SMYD3: variants seen among roughly 807,000 people sequenced by gnomAD.
SMYD3 encodes the protein SET and MYND domain containing 3.
Under a neutral mutation model 57.7 loss-of-function variants are expected in SMYD3, and 36 were observed. That is an observed-to-expected ratio of 0.62 (90% CI 0.48 to 0.82). The LOEUF is 0.82. Ranked by LOEUF, SMYD3 falls within the 40% of genes least tolerant of loss-of-function variation. SMYD3 has a pLI of 0.00. For missense variants in SMYD3, 515 were observed against 538.8 expected, an observed-to-expected ratio of 0.96 and a Z score of 0.44; for synonymous variants, 211 against 195.0, an observed-to-expected ratio of 1.08 and a Z score of -0.68.
intron 5 of SMYD3, among the ~76,000 whole-genome samples, chr1:246,182,088 TTAATC>T (rs1246570568): frequency 6.6e-6 from 1 of 152,158 alleles, no homozygotes; most frequent in East Asian, 1.9e-4. Flanking sequence ...TTCTGCCAAA[TTAATC>T]TAATTTTTAA....
chr1:245,923,074 A>G (rs2147812573), intron 7 of SMYD3, among the ~76,000 whole-genome samples: 1 of 152,346 alleles, frequency 6.6e-6, no homozygotes, highest in African/African-American at 2.4e-5. Context: ...CAAAGGAAAC[A>G]TCACGTTTCA....
intron 5 of SMYD3, among the ~76,000 whole-genome samples, chr1:246,110,751 C>T (rs1332019265): frequency 1.3e-5 from 2 of 152,252 alleles, no homozygotes; most frequent in African/African-American, 4.8e-5. Flanking sequence ...GTTTATATTA[C>T]ACATGGAGTT....
chr1:246,457,532 C>CAAAAAAAAAAA (rs59617511), intron 1 of SMYD3, among the ~76,000 whole-genome samples: 16 of 82,370 alleles, frequency 1.9e-4, no homozygotes, highest in East Asian at 1.2e-3. Context: ...GACTCTGCCT[C>CAAAAAAAAAAA]AAAAAAAAAA....
intron 5 of SMYD3, among the ~76,000 whole-genome samples, chr1:246,205,409 G>C (rs73147207): frequency 0.13 from 20,159 of 152,174 alleles, 3,482 homozygotes; most frequent in African/African-American, 0.4. Context: ...ACAGTCATGC[G>C]CAGTCTAGCC....
chr1:246,269,645 C>T (rs562312348), intron 5 of SMYD3, among the ~76,000 whole-genome samples: 5 of 151,326 alleles, frequency 3.3e-5, no homozygotes, highest in South Asian at 2.1e-4. Context: ...CACAGCTCAC[C>T]GCAACCTCAA....
chr1:246,487,098 G>A (rs1297573068), intron 1 of SMYD3, among the ~76,000 whole-genome samples: 1 of 152,192 alleles, frequency 6.6e-6, no homozygotes, highest in African/African-American at 2.4e-5. Context: ...CACAATACCT[G>A]CATCCAAGAG....
chr1:245,787,818 G>A (rs997266010), intron 10 of SMYD3, among the ~76,000 whole-genome samples: 4 of 152,198 alleles, frequency 2.6e-5, no homozygotes, highest in South Asian at 4.1e-4. Context: ...TTGGGCACAA[G>A]CGACTCCCAG....
rs149618432 is a variant in SMYD3, at chr1:245,789,801, T to A, written c.1077-25652A>T. ...ATTTCCCTGCTCAGGCTTTGTACTT[T>A]CTAGCTGGCAATTATAGCTCCTTAC... is the stretch of plus-strand genomic sequence containing the variant. On this transcript the variant is annotated intron_variant, in intron 10 of 11. Transcript: ENST00000490107. 1.0e-4 allele frequency among the ~76,000 whole-genome samples: 16 copies of A among 152,390 alleles called. No individual in the cohort carries two copies. In the East Asian group the frequency reaches 2.7e-3, roughly 26 times the overall value.
At chr1:246,376,839 C>T (rs1035524875) in intron 1 of SMYD3, among the ~76,000 whole-genome samples, 1 of 151,640 alleles carries the variant, frequency 6.6e-6, no homozygotes, top group Non-Finnish European at 1.5e-5. Context: ...GTGTCTCACG[C>T]CTGTAATACC....
At chr1:245,799,264 G>A (rs760743799) in intron 10 of SMYD3, among the ~76,000 whole-genome samples, 9 of 152,194 alleles carry the variant, frequency 5.9e-5, no homozygotes, top group Non-Finnish European at 1.0e-4. Context: ...GAGAGGGGCC[G>A]AGGGGAGGGG....
At chr1:245,876,312 C>T (rs931466520) in intron 8 of SMYD3, among the ~76,000 whole-genome samples, 6 of 152,074 alleles carry the variant, frequency 3.9e-5, no homozygotes, top group Admixed American at 2.6e-4. Flanking sequence ...GAATACAGAC[C>T]GGGTTCCATC....
chr1:246,066,286 A>T (rs1353127100), intron 5 of SMYD3, among the ~76,000 whole-genome samples: 1 of 152,240 alleles, frequency 6.6e-6, no homozygotes, highest in Non-Finnish European at 1.5e-5. Flanking sequence ...CTTAGTGGAC[A>T]TCCTAAAAGG....
intron 5 of SMYD3, among the ~76,000 whole-genome samples, chr1:246,153,683 G>A (rs2061978202): frequency 1.3e-5 from 2 of 151,984 alleles, no homozygotes; most frequent in South Asian, 4.2e-4. Flanking sequence ...TGTTTCCCAA[G>A]CTGGTCTCAA....
rs561031013 is a variant in SMYD3, at chr1:246,244,375, G to A, written c.531+82826C>T. On this transcript the variant is annotated intron_variant, in intron 5 of 11. Coordinates refer to ENST00000490107, the MANE Select transcript of SMYD3 (RefSeq NM_001167740.2). ...TTCACTAGAGAGAAGGATTCTACTT[G>A]TGAGTGTGGAAAAAAAAAATCCTGA... Among the ~76,000 whole-genome samples, 25 of 151,382 alleles carry A rather than the reference G, an allele frequency of 1.7e-4. No individual in the cohort carries two copies. The South Asian group carries it at 4.8e-3, about 29-fold the overall frequency.
intron 5 of SMYD3, among the ~76,000 whole-genome samples, chr1:245,970,092 T>C (rs1162878454): frequency 6.6e-6 from 1 of 152,200 alleles, no homozygotes; most frequent in Non-Finnish European, 1.5e-5. Flanking sequence ...CAAAACAGCA[T>C]GGTACTGGTA....
chr1:246,451,402 T>C (rs2067630599), intron 1 of SMYD3, among the ~76,000 whole-genome samples: 1 of 152,166 alleles, frequency 6.6e-6, no homozygotes, highest in African/African-American at 2.4e-5. Context: ...CTACACACTA[T>C]ACGATTCCAA....
At chr1:245,948,539 G>A (rs1449670020) in intron 5 of SMYD3, among the ~76,000 whole-genome samples, 5 of 152,158 alleles carry the variant, frequency 3.3e-5, no homozygotes, top group Non-Finnish European at 7.4e-5. Flanking sequence ...ACTGCTCCAG[G>A]GAGGGAGCTT....
intron 5 of SMYD3, among the ~76,000 whole-genome samples, chr1:245,948,285 C>A (rs1163161803): frequency 6.6e-6 from 1 of 152,148 alleles, no homozygotes; most frequent in Non-Finnish European, 1.5e-5. Context: ...TGGAACAGAT[C>A]ATCTAACAGA....
intron 2 of SMYD3, among the ~76,000 whole-genome samples, chr1:246,345,750 C>G (rs557624371): frequency 1.3e-5 from 2 of 152,150 alleles, no homozygotes; most frequent in Non-Finnish European, 2.9e-5. Context: ...CCTGAGCATG[C>G]CTTTGATAGG....
Sources: allele counts gnomAD v4.1 joint callset (sites outside exome capture counted in the v4.1 genomes callset), GRCh38; gene constraint gnomAD v4.1.1; transcripts MANE v1.5; gene names NCBI Gene and HGNC (gene_info 2026-07-23, HGNC 2026-07-21).